AP1B1: variants seen among roughly 807,000 people sequenced by gnomAD.
The protein encoded by AP1B1 is adaptor related protein complex 1 subunit beta 1.
AP1B1 carries 36 observed loss-of-function variants against 104.3 expected under a neutral mutation model. The observed-to-expected ratio is 0.35, with a 90% CI of 0.26 to 0.46. AP1B1 has a LOEUF of 0.46. Ranked by LOEUF, AP1B1 falls within the 20% of genes least tolerant of loss-of-function variation. The probability of loss-of-function intolerance (pLI) is 1.00; values close to 1 mark genes in which losing one functional copy is unlikely to be tolerated. For missense variants in AP1B1, 901 were observed against 1,247.9 expected, an observed-to-expected ratio of 0.72 and a Z score of 4.19; for synonymous variants, 504 against 517.5, an observed-to-expected ratio of 0.97 and a Z score of 0.35.
intron 11 of AP1B1, among the ~76,000 whole-genome samples, chr22:29,346,061 C>T (rs904447836): frequency 1.3e-5 from 2 of 151,944 alleles, no homozygotes; most frequent in Admixed American, 1.3e-4. Flanking sequence ...TGAATTACAT[C>T]ACACCCCCAC....
intron 1 of AP1B1, among the ~76,000 whole-genome samples, chr22:29,378,384 C>G (rs1359598389): frequency 6.6e-6 from 1 of 151,600 alleles, no homozygotes; most frequent in East Asian, 1.9e-4. Flanking sequence ...TGGCGAAACC[C>G]CATCTCTACA....
chr22:29,338,620 A>G (rs1184518270), intron 16 of AP1B1, among the ~76,000 whole-genome samples: 1 of 152,234 alleles, frequency 6.6e-6, no homozygotes, highest in Non-Finnish European at 1.5e-5. Context: ...TAAAATGTCT[A>G]TGATGACTAA....
intron 17 of AP1B1, among the ~76,000 whole-genome samples, chr22:29,333,592 T>TA (rs1259913935): frequency 6.6e-6 from 1 of 152,084 alleles, no homozygotes; most frequent in Non-Finnish European, 1.5e-5. Flanking sequence ...CGTGCACCTG[T>TA]AGTCCCAGAG....
At chr22:29,366,501 T>C (rs1182865052) in intron 2 of AP1B1, among the ~76,000 whole-genome samples, 3 of 151,900 alleles carry the variant, frequency 2.0e-5, no homozygotes, top group African/African-American at 7.3e-5. Flanking sequence ...CCGGGCATGG[T>C]GGTGTAATCC....
intron 10 of AP1B1, 68 bp downstream of exon 10, chr22:29,349,967 T>C: frequency 2.4e-6 from 3 of 1,241,276 alleles, no homozygotes; most frequent in Non-Finnish European, 3.6e-6. Context: ...CCTCCTTCCT[T>C]TTCTGCCCCG....
Position 29,331,893 on chromosome 22 carries a change from G to C in AP1B1, c.2333C>G (p.Pro778Arg). The change falls in exon 18 of 23, where the codon CCC becomes CGC. Residue 778 changes from proline (P) to arginine (R), a missense_variant. Coordinates refer to ENST00000357586, the MANE Select transcript of AP1B1 (RefSeq NM_001127.4). Reference sequence around the variant, plus strand: ...GCTGAGTGGCGCGTGGACCTGGAGGGGGGCGGCGGGGGCCAGGCCAAAGCT... The same window carrying C: ...GCTGAGTGGCGCGTGGACCTGGAGGCGGGCGGCGGGGGCCAGGCCAAAGCT... ...RNSFGLAPAAPLQVHAPLSPN... is the reference protein window; with the variant it reads ...RNSFGLAPAARLQVHAPLSPN... 5 of 1,611,864 alleles carry C rather than the reference G, an allele frequency of 3.1e-6. No individual in the cohort carries two copies. The highest frequency in any genetic ancestry group is 1.7e-6 in the Non-Finnish European group (2 of 1,178,878).
chr22:29,350,985 A>G (rs1340403269), intron 9 of AP1B1, among the ~76,000 whole-genome samples, 186 bp downstream of exon 9: 3 of 152,192 alleles, frequency 2.0e-5, no homozygotes, highest in Non-Finnish European at 4.4e-5. Context: ...GAAGGCCTAA[A>G]GGATACTATA....
At chr22:29,329,155 G>A (rs2078006339) in intron 22 of AP1B1, 1 of 1,300,534 alleles carries the variant, frequency 7.7e-7, no homozygotes. Context: ...AGCAGTGTGA[G>A]TCACGAGCCG....
chr22:29,352,828 T>A, intron 7 of AP1B1, among the ~76,000 whole-genome samples: 1 of 152,106 alleles, frequency 6.6e-6, no homozygotes, highest in Non-Finnish European at 1.5e-5. Flanking sequence ...AACCTGAGCA[T>A]GAGGGTGGTC....
At chr22:29,354,567 C>G in intron 7 of AP1B1, 83 bp downstream of exon 7, 19 of 1,315,820 alleles carry the variant, frequency 1.4e-5, no homozygotes, top group Non-Finnish European at 1.9e-5. Flanking sequence ...GGTGACAGGT[C>G]AGTTTCCTTT....
intron 1 of AP1B1, among the ~76,000 whole-genome samples, chr22:29,379,441 C>T (rs1044659141): frequency 9.9e-5 from 15 of 152,218 alleles, no homozygotes; most frequent in Admixed American, 5.2e-4. Context: ...CAGAACAACG[C>T]TCTTTGTGAT....
In AP1B1 at chr22:29,350,076, G is replaced by A. The variant is rs756608715; in HGVS notation, c.1230C>T (p.Ala410=). 16 of 1,614,178 alleles carry A rather than the reference G, an allele frequency of 9.9e-6. 1 individual carries two copies. The East Asian group carries it at 2.0e-4, about 20-fold the overall frequency. Residue 410 remains alanine, a synonymous_variant, in exon 10 of 23, where the codon GCC becomes GCT. Transcript: ENST00000357586. ...QTKVNYVVQE[A]IVVIKDIFRK... is the part of the protein sequence containing the mutation. ...GGAAGATGTCCTTGATGACCACGAT[G>A]GCCTCCTGGACCACATAGTTGACCT...
At chr22:29,337,163 A>G (rs2061650705) in intron 16 of AP1B1, among the ~76,000 whole-genome samples, 1 of 152,198 alleles carries the variant, frequency 6.6e-6, no homozygotes, top group South Asian at 2.1e-4. Context: ...ACCATCATAT[A>G]GGGGTCTGGA....
Position 29,339,144 on chromosome 22 carries a change from A to C in AP1B1, c.2020-11T>G. 6.2e-7 allele frequency: 1 copy of C among 1,613,924 alleles called. No homozygotes were observed. Among genetic ancestry groups the C allele is most frequent in the Non-Finnish European group, 8.5e-7 (1 of 1,179,926 alleles). On this transcript the variant is annotated splice_polypyrimidine_tract_variant and intron_variant, in intron 15 of 22. Transcript: ENST00000357586. ...GTTGGTGCCCCCAATCTGGAAAGGG[A>C]GGGAAAGAGTCAGAGGTGGGCGTCA...
Position 29,356,588 on chromosome 22 carries a change from G to C in AP1B1, c.554C>G (p.Ser185Ter). Reference protein sequence around the residue: ...MVVANAVAALSEIAESHPSSN... With the variant: ...MVVANAVAAL The stretch of plus-strand genomic sequence containing the variant: ...GCTGGGGTGAGACTCGGCAATTTCT[G>C]AGAGCGCTGCCACTGCATTGGCCAC... The change falls in exon 6 of 23, where the codon TCA becomes TGA. Residue 185 changes from serine to a stop codon, truncating the protein, a stop_gained. Coordinates refer to ENST00000357586, the MANE Select transcript of AP1B1 (RefSeq NM_001127.4). LOFTEE classifies it high-confidence loss of function. 1 of 1,614,168 alleles carries C rather than the reference G, an allele frequency of 6.2e-7. No individual in the cohort carries two copies. Among genetic ancestry groups the C allele is most frequent in the Non-Finnish European group, 8.5e-7 (1 of 1,180,014 alleles).
At chr22:29,329,035 G>A (rs184147823) in intron 22 of AP1B1, 140 bp from the exon 23 acceptor site, 58 of 1,462,544 alleles carry the variant, frequency 4.0e-5, no homozygotes, top group Admixed American at 1.2e-4. Context: ...GCCTGGCACA[G>A]ATGTGAGGTA....
chr22:29,377,661 T>A (rs1002298185), intron 1 of AP1B1, among the ~76,000 whole-genome samples: 2 of 151,844 alleles, frequency 1.3e-5, no homozygotes, highest in African/African-American at 4.8e-5. Flanking sequence ...TACAAAAAAA[T>A]TAGCCAGGCA....
chr22:29,344,086 G>A (rs2061753645), intron 11 of AP1B1, among the ~76,000 whole-genome samples: 1 of 151,396 alleles, frequency 6.6e-6, no homozygotes, highest in African/African-American at 2.4e-5. Flanking sequence ...CTCCAGCATG[G>A]GGGACAAGGG....
chr22:29,380,933 T>C (rs2062427034), intron 1 of AP1B1, among the ~76,000 whole-genome samples: 1 of 152,200 alleles, frequency 6.6e-6, no homozygotes, highest in South Asian at 2.1e-4. Context: ...CCACAGGTCC[T>C]ATAAGAGATG....
Sources: allele counts gnomAD v4.1 joint callset (sites outside exome capture counted in the v4.1 genomes callset), GRCh38; gene constraint gnomAD v4.1.1; transcripts MANE v1.5; gene names NCBI Gene and HGNC (gene_info 2026-07-23, HGNC 2026-07-21).